The following PEMT variants were observed in gnomAD, a reference collection of about 807,000 sequenced individuals.
The protein encoded by PEMT is phospholipid methyltransferase.
Under a neutral mutation model 27.4 loss-of-function variants are expected in PEMT, and 23 were observed. The ratio of observed to expected loss-of-function variants is 0.84; its 90% CI spans 0.60 to 1.19. PEMT has a LOEUF of 1.19. Among genes scored for constraint, PEMT ranks in the 50% most tolerant of loss-of-function variants. The pLI is 0.00. For missense variants in PEMT, 307 were observed against 310.1 expected (o/e 0.99, Z 0.07); for synonymous variants, 137 against 139.1 (o/e 0.98, Z 0.11).
chr17:17,525,660 C>T lies in PEMT; in HGVS notation c.205-3265G>A, dbSNP rs145494812. 8.5e-5 allele frequency among the ~76,000 whole-genome samples: 13 copies of T among 152,276 alleles called. No homozygotes were observed. The East Asian group carries it at 2.1e-3, about 25-fold the overall frequency. ...GACCCTGGCTCAAATTTCCTCTCCC[C>T]GGCACTGCCAGGACCCTCCAGGTAA... is the stretch of plus-strand genomic sequence containing the variant. On this transcript the variant is annotated intron_variant, in intron 2 of 6. Coordinates refer to ENST00000255389, the MANE Select transcript of PEMT (RefSeq NM_148172.3).
intron 4 of PEMT, among the ~76,000 whole-genome samples, chr17:17,510,383 TC>T (rs1906276419): frequency 6.6e-6 from 1 of 152,106 alleles, no homozygotes; most frequent in African/African-American, 2.4e-5. Flanking sequence ...CAGCCTTCTG[TC>T]CCCAGAAACC....
intron 2 of PEMT, among the ~76,000 whole-genome samples, chr17:17,567,617 T>C (rs1005604382): frequency 1.6e-4 from 24 of 152,232 alleles, no homozygotes; most frequent in African/African-American, 5.8e-4. Flanking sequence ...TCCCCAGCCA[T>C]GGAGCTGAAG....
intron 2 of PEMT, among the ~76,000 whole-genome samples, chr17:17,557,250 A>C (rs769728741): frequency 3.3e-5 from 5 of 152,020 alleles, no homozygotes; most frequent in African/African-American, 4.8e-5. Flanking sequence ...CCTGACCCTC[A>C]CGCAGGGACA....
At chr17:17,531,686 T>A (rs1319467413) in intron 2 of PEMT, among the ~76,000 whole-genome samples, 4 of 138,310 alleles carry the variant, frequency 2.9e-5, no homozygotes, top group Non-Finnish European at 6.3e-5. Context: ...TAAAAATGAA[T>A]TCAAGATGGA....
chr17:17,521,622 T>C (rs1597883942), intron 3 of PEMT, among the ~76,000 whole-genome samples: 2 of 152,118 alleles, frequency 1.3e-5, no homozygotes, highest in Non-Finnish European at 1.5e-5. Flanking sequence ...TGGAGTGCAC[T>C]GGTGCAACCT....
intron 1 of PEMT, among the ~76,000 whole-genome samples, chr17:17,583,799 G>A (rs1296448241): frequency 6.6e-6 from 1 of 152,216 alleles, no homozygotes; most frequent in African/African-American, 2.4e-5. Flanking sequence ...AGACCCCGAT[G>A]CTGGAATCTG....
At chr17:17,518,022 G>A in intron 3 of PEMT, 2 of 985,522 alleles carry the variant, frequency 2.0e-6, no homozygotes, top group Non-Finnish European at 2.4e-6. Flanking sequence ...CCGAGGCCAG[G>A]ATGCAGCTTC....
At chr17:17,534,396 T>C (rs998978619) in intron 2 of PEMT, among the ~76,000 whole-genome samples, 2 of 152,216 alleles carry the variant, frequency 1.3e-5, no homozygotes, top group African/African-American at 4.8e-5. Context: ...TGCAAACTAA[T>C]GTCCAGTGAC....
chr17:17,540,582 G>A (rs970086061), intron 2 of PEMT, among the ~76,000 whole-genome samples: 1 of 152,184 alleles, frequency 6.6e-6, no homozygotes, highest in Non-Finnish European at 1.5e-5. Flanking sequence ...GTCTACTTGA[G>A]GACACTGTCA....
chr17:17,522,367 T>A lies in PEMT; in HGVS notation c.233A>T (p.Lys78Met). The A allele has an allele frequency of 6.2e-7, 1 of 1,613,698 alleles. No individual in the cohort carries two copies. The stretch of plus-strand genomic sequence containing the variant: ...GGGGGATCCGAAGGCCCTGCTCAGC[T>A]TGCGGGTCTTGTGTTCCCATCGTGC... The part of the protein sequence containing the change: ...VVARWEHKTR[K>M]LSRAFGSPYL... Residue 78 changes from lysine to methionine, a missense_variant, in exon 3 of 7, where the codon AAG (lysine) becomes ATG (methionine). Coordinates refer to ENST00000255389, the MANE Select transcript of PEMT (RefSeq NM_148172.3).
chr17:17,507,297 C>A, intron 5 of PEMT: 1 of 997,534 alleles, frequency 1.0e-6, no homozygotes, highest in Non-Finnish European at 1.5e-6. Flanking sequence ...CAGGCCTGGG[C>A]CAGGGGCTGT....
intron 2 of PEMT, among the ~76,000 whole-genome samples, chr17:17,547,440 G>T (rs1195751641): frequency 6.6e-6 from 1 of 152,268 alleles, no homozygotes; most frequent in African/African-American, 2.4e-5. Flanking sequence ...AAAGAACAGG[G>T]TGCTGGGAGA....
chr17:17,545,913 GAA>G lies in PEMT; in HGVS notation c.205-23520_205-23519del, dbSNP rs369072009. Reference sequence around the variant, plus strand: ...AATTTAAAAAAGTACCGCTCTGCCTGAAAAACCAATTCCTTTCCTTGCCTGTC... The same window carrying G: ...AATTTAAAAAAGTACCGCTCTGCCTGAAACCAATTCCTTTCCTTGCCTGTC... On this transcript the variant is annotated intron_variant, in intron 2 of 6. Transcript: ENST00000255389. Among the ~76,000 whole-genome samples the G allele has an allele frequency of 5.7e-3, 868 of 152,284 alleles. 12 individuals are homozygous for G. Among genetic ancestry groups the G allele is most frequent in the African/African-American group, 0.02 (827 of 41,550 alleles).
intron 2 of PEMT, among the ~76,000 whole-genome samples, chr17:17,572,930 T>C (rs1298163713): frequency 2.0e-5 from 3 of 152,258 alleles, no homozygotes; most frequent in Non-Finnish European, 4.4e-5. Context: ...GGCTCATGCC[T>C]GTAATCCCAG....
At chr17:17,558,569 C>T (rs1232380617) in intron 2 of PEMT, among the ~76,000 whole-genome samples, 1 of 151,414 alleles carries the variant, frequency 6.6e-6, no homozygotes, top group African/African-American at 2.4e-5. Context: ...GGCTGTATTC[C>T]CAGCTACTTG....
chr17:17,577,908 T>G (rs956910723), intron 1 of PEMT, among the ~76,000 whole-genome samples: 1 of 150,970 alleles, frequency 6.6e-6, no homozygotes, highest in Admixed American at 6.6e-5. Flanking sequence ...TCCCAGCTAC[T>G]CAGGAGACTG....
At chr17:17,553,527 C>T (rs1909819157) in intron 2 of PEMT, among the ~76,000 whole-genome samples, 1 of 152,198 alleles carries the variant, frequency 6.6e-6, no homozygotes, top group Non-Finnish European at 1.5e-5. Context: ...AATTGTGCTC[C>T]AGCCCCTCAC....
At chr17:17,511,571 C>CCGGT (rs1234400816) in intron 4 of PEMT, among the ~76,000 whole-genome samples, 1 of 152,232 alleles carries the variant, frequency 6.6e-6, no homozygotes, top group Admixed American at 6.5e-5. Flanking sequence ...CCTCAGGACA[C>CCGGT]CGTTGGTCCC....
intron 2 of PEMT, among the ~76,000 whole-genome samples, chr17:17,528,888 G>C (rs1030865076): frequency 6.6e-6 from 1 of 152,260 alleles, no homozygotes; most frequent in Non-Finnish European, 1.5e-5. Context: ...AGGCCCAGCA[G>C]CATGAGGACA....
Sources: gnomAD v4.1 joint callset for allele counts (sites outside exome capture counted in the v4.1 genomes callset) on GRCh38, gnomAD v4.1.1 for gene constraint, MANE v1.5 for transcripts, NCBI Gene and HGNC (gene_info 2026-07-23, HGNC 2026-07-21) for gene names.